The following SEMA5A variants were observed in gnomAD, a reference collection of about 807,000 sequenced individuals.
SEMA5A encodes the protein semaphorin 5A.
A neutral mutation model predicts 135.5 loss-of-function variants in SEMA5A; 55 were observed. That is an observed-to-expected ratio of 0.41 (90% CI 0.33 to 0.51). The LOEUF (loss-of-function observed/expected upper bound fraction) is 0.51. SEMA5A is among the 20% of genes least tolerant of loss of function. The probability of loss-of-function intolerance (pLI) is 0.37; values close to 1 mark genes in which losing one functional copy is unlikely to be tolerated. For synonymous variants in SEMA5A, 580 were observed against 546.5 expected, an observed-to-expected ratio of 1.06 and a Z score of -0.85; for missense variants, 1,290 against 1,419.9, an observed-to-expected ratio of 0.91 and a Z score of 1.47.
chr5:9,069,906 C>T (rs961124168), intron 16 of SEMA5A, among the ~76,000 whole-genome samples: 2 of 152,132 alleles, frequency 1.3e-5, no homozygotes, highest in African/African-American at 2.4e-5. Flanking sequence ...GAATGAAAAC[C>T]ACATGACAGG....
chr5:9,275,875 A>G (rs1750234898), intron 5 of SEMA5A, among the ~76,000 whole-genome samples: 1 of 151,928 alleles, frequency 6.6e-6, no homozygotes, highest in African/African-American at 2.4e-5. Context: ...AGCCAACATC[A>G]TACTGAATGG....
intron 1 of SEMA5A, among the ~76,000 whole-genome samples, chr5:9,463,979 T>A (rs1759157520): frequency 6.6e-6 from 1 of 152,184 alleles, no homozygotes; most frequent in Non-Finnish European, 1.5e-5. Flanking sequence ...AAATCTGTGA[T>A]GCTGTATTCA....
chr5:9,137,712 G>T (rs1268413218), intron 12 of SEMA5A, among the ~76,000 whole-genome samples: 1 of 152,198 alleles, frequency 6.6e-6, no homozygotes, highest in Non-Finnish European at 1.5e-5. Flanking sequence ...AAATCTGGTA[G>T]GACCAGAAGT....
intron 1 of SEMA5A, among the ~76,000 whole-genome samples, chr5:9,471,451 A>T (rs1438596218): frequency 6.6e-6 from 1 of 152,170 alleles, no homozygotes; most frequent in Non-Finnish European, 1.5e-5. Context: ...TTAGAGAGAG[A>T]ATGGTGTGGC....
At chr5:9,298,166 G>T (rs1751434228) in intron 5 of SEMA5A, among the ~76,000 whole-genome samples, 1 of 150,456 alleles carries the variant, frequency 6.6e-6, no homozygotes, top group South Asian at 2.1e-4. Context: ...GATCATTAGG[G>T]TGGGCCATAA....
intron 3 of SEMA5A, among the ~76,000 whole-genome samples, chr5:9,361,710 C>G (rs1579413334): frequency 6.6e-6 from 1 of 152,204 alleles, no homozygotes; most frequent in East Asian, 1.9e-4. Flanking sequence ...AAAGTAATTG[C>G]TCTTTACCTA....
chr5:9,406,936 G>C (rs2456236), intron 2 of SEMA5A, among the ~76,000 whole-genome samples: 79,369 of 152,076 alleles, frequency 0.52, 20,905 homozygotes, highest in Admixed American at 0.6. Flanking sequence ...GGAAGGTACT[G>C]TATCAAATTT....
At chr5:9,097,859 G>C (rs1739407991) in intron 16 of SEMA5A, among the ~76,000 whole-genome samples, 1 of 152,208 alleles carries the variant, frequency 6.6e-6, no homozygotes, top group East Asian at 1.9e-4. Flanking sequence ...GATGCTACAA[G>C]TTGCACAACA....
In SEMA5A at chr5:9,515,150, T is replaced by C. The variant is rs76130596; in HGVS notation, c.-175+30434A>G. 6.1e-3 allele frequency among the ~76,000 whole-genome samples: 924 copies of C among 152,362 alleles called. 6 individuals carry two copies. The highest frequency in any genetic ancestry group is 0.021 in the African/African-American group (881 of 41,582). On this transcript the variant is annotated intron_variant, in intron 1 of 22. Transcript: ENST00000382496. ...AATCATTTGGCAACTCAGTCCACTG[T>C]AGAGTATTGGACATTTACCCTTGTG...
intron 5 of SEMA5A, among the ~76,000 whole-genome samples, chr5:9,306,394 A>G (rs1751871713): frequency 6.6e-6 from 1 of 152,154 alleles, no homozygotes. Context: ...CACTAATACA[A>G]TATTTTTTTT....
intron 1 of SEMA5A, among the ~76,000 whole-genome samples, chr5:9,453,885 C>A (rs1487632704): frequency 3.3e-5 from 5 of 152,194 alleles, no homozygotes; most frequent in Non-Finnish European, 7.3e-5. Flanking sequence ...CATCACAGGC[C>A]AACCTGAAGG....
intron 1 of SEMA5A, among the ~76,000 whole-genome samples, chr5:9,470,890 C>T (rs1185209156): frequency 6.6e-6 from 1 of 152,058 alleles, no homozygotes; most frequent in African/African-American, 2.4e-5. Context: ...GCAACCTGGC[C>T]CATAGAAACT....
intron 4 of SEMA5A, 135 bp downstream of exon 4, chr5:9,337,578 A>T: frequency 1.7e-6 from 1 of 600,904 alleles, no homozygotes; most frequent in Non-Finnish European, 2.9e-6. Flanking sequence ...TATGACACTC[A>T]TACTGTATTT....
chr5:9,389,278 C>T (rs1348884099), intron 2 of SEMA5A, among the ~76,000 whole-genome samples: 5 of 152,166 alleles, frequency 3.3e-5, no homozygotes, highest in Admixed American at 1.3e-4. Context: ...TCCATCTACA[C>T]GTTCTCAGAG....
rs565926351 is a variant in SEMA5A at position 9,059,993 on chromosome 5, G to A, written c.2518+2894C>T. On this transcript the variant is annotated intron_variant, in intron 18 of 22. Transcript: ENST00000382496. The stretch of plus-strand genomic sequence containing the variant: ...GAGTATCCTGAGTGAGACAGGAATC[G>A]GCCTCTAACTGGCTTCCTGGTGACT... 3.7e-4 allele frequency among the ~76,000 whole-genome samples: 56 copies of A among 152,206 alleles called. 2 individuals carry two copies. In the South Asian group the frequency reaches 9.5e-3, roughly 26 times the overall value.
chr5:9,187,628 A>G (rs2150341597), intron 11 of SEMA5A, among the ~76,000 whole-genome samples: 1 of 152,380 alleles, frequency 6.6e-6, no homozygotes, highest in Admixed American at 6.5e-5. Flanking sequence ...ATCTTTACCC[A>G]TAATCCCAAC....
At chr5:9,380,845 A>G (rs1755569389) in intron 2 of SEMA5A, among the ~76,000 whole-genome samples, 1 of 152,224 alleles carries the variant, frequency 6.6e-6, no homozygotes, top group Non-Finnish European at 1.5e-5. Flanking sequence ...AGAAGGATCT[A>G]TGACGGGTCC....
intron 15 of SEMA5A, among the ~76,000 whole-genome samples, chr5:9,113,865 G>T (rs1171479623): frequency 6.6e-6 from 1 of 152,178 alleles, no homozygotes; most frequent in African/African-American, 2.4e-5. Context: ...CATTGGTGAA[G>T]TCTCTTTAGA....
chr5:9,128,681 C>T (rs1579445004), intron 13 of SEMA5A, among the ~76,000 whole-genome samples: 1 of 152,154 alleles, frequency 6.6e-6, no homozygotes, highest in Admixed American at 6.5e-5. Flanking sequence ...TTTCTTTATG[C>T]TATTTTTATA....
Sources: allele counts gnomAD v4.1 joint callset (sites outside exome capture counted in the v4.1 genomes callset), GRCh38; gene constraint gnomAD v4.1.1; transcripts MANE v1.5; gene names NCBI Gene and HGNC (gene_info 2026-07-23, HGNC 2026-07-21).